Variants in AMBRA1 observed in about 807,000 individuals in gnomAD.
AMBRA1 encodes the protein autophagy and beclin 1 regulator 1, also known as activating molecule in BECN1-regulated autophagy protein 1.
In AMBRA1, 47 loss-of-function variants were observed where a neutral mutation model predicts 125.4. The ratio of observed to expected loss-of-function variants is 0.37; its 90% CI spans 0.30 to 0.48. The LOEUF is 0.48. AMBRA1 is among the 20% of genes least tolerant of loss of function. The probability of loss-of-function intolerance (pLI) is 0.99; values close to 1 mark genes in which losing one functional copy is unlikely to be tolerated. For missense variants in AMBRA1, 1,331 were observed against 1,693.4 expected, an observed-to-expected ratio of 0.79 and a Z score of 3.76; for synonymous variants, 626 against 655.5, an observed-to-expected ratio of 0.95 and a Z score of 0.69.
intron 9 of AMBRA1, among the ~76,000 whole-genome samples, chr11:46,496,127 ACT>A (rs1425631984): frequency 1.3e-5 from 2 of 151,666 alleles, no homozygotes; most frequent in Non-Finnish European, 2.9e-5. Flanking sequence ...TAATCCCAAC[ACT>A]CTGGGAGGCT....
chr11:46,496,278 A>C (rs1273569177), intron 9 of AMBRA1, among the ~76,000 whole-genome samples: 1 of 152,130 alleles, frequency 6.6e-6, no homozygotes, highest in Non-Finnish European at 1.5e-5. Flanking sequence ...AGCTGTTCAG[A>C]GGCTGAGGCA....
intron 12 of AMBRA1, among the ~76,000 whole-genome samples, chr11:46,441,022 T>G (rs1174051077): frequency 6.6e-6 from 1 of 152,144 alleles, no homozygotes; most frequent in Non-Finnish European, 1.5e-5. Context: ...TTTGGTGCAA[T>G]GCCCTGCCTG....
chr11:46,543,110 G>T lies in AMBRA1; in HGVS notation c.907C>A (p.Gln303Lys). The stretch of plus-strand genomic sequence containing the variant: ...CAAAGGCACAGGATCCCAAGGTGCT[G>T]GCAGCACTCAGCTGTGGGGTAACTG... ...RVSYPTAECC[Q>K]HLGILCLCSR... The change falls in exon 7 of 18, where the codon CAG becomes AAG. Residue 303 changes from glutamine to lysine, a missense_variant. Physicochemically the swap from Gln to Lys is moderately conservative, Grantham distance 53 (BLOSUM62 1). Around this residue, in one of 4 missense-constraint regions of AMBRA1, gnomAD observed 689 missense variants for 776.5 expected, o/e 0.89. Transcript: ENST00000683756. 6.3e-7 allele frequency: 1 copy of T among 1,579,928 alleles called. No individual in the cohort carries two copies.
At chr11:46,580,012 C>CT (rs1326524567) in intron 1 of AMBRA1, among the ~76,000 whole-genome samples, 1 of 152,238 alleles carries the variant, frequency 6.6e-6, no homozygotes, top group Non-Finnish European at 1.5e-5. Flanking sequence ...CACGCCCAGC[C>CT]TACACATGTC....
chr11:46,479,602 C>T (rs1053191040), intron 11 of AMBRA1, among the ~76,000 whole-genome samples: 4 of 152,028 alleles, frequency 2.6e-5, no homozygotes, highest in African/African-American at 9.7e-5. Flanking sequence ...GAGGCTGAGG[C>T]AGGAGAATCA....
At chr11:46,424,941 C>T (rs200898027) in intron 14 of AMBRA1, among the ~76,000 whole-genome samples, 1 of 152,054 alleles carries the variant, frequency 6.6e-6, no homozygotes, top group African/African-American at 2.4e-5. Context: ...TCAAGACCAG[C>T]CTGACCAAGA....
intron 7 of AMBRA1, among the ~76,000 whole-genome samples, chr11:46,517,708 C>T (rs529531872): frequency 1.1e-4 from 17 of 150,146 alleles, no homozygotes; most frequent in African/African-American, 3.9e-4. Flanking sequence ...GTGGCACACG[C>T]CTGTCCCAGC....
At chr11:46,587,273 G>A (rs958678747) in intron 1 of AMBRA1, among the ~76,000 whole-genome samples, 17 of 152,116 alleles carry the variant, frequency 1.1e-4, no homozygotes, top group South Asian at 2.1e-4. Context: ...CCAGCTACTC[G>A]GGAGGCTGAG....
intron 1 of AMBRA1, among the ~76,000 whole-genome samples, chr11:46,559,781 T>A (rs1247391806): frequency 6.6e-6 from 1 of 152,218 alleles, no homozygotes; most frequent in Non-Finnish European, 1.5e-5. Context: ...GCTGGCTTGT[T>A]ATATAATCTT....
At chr11:46,425,589 C>G (rs1441084733) in intron 14 of AMBRA1, among the ~76,000 whole-genome samples, 1 of 152,094 alleles carries the variant, frequency 6.6e-6, no homozygotes, top group Non-Finnish European at 1.5e-5. Flanking sequence ...CGCCTGTAAT[C>G]CCAGCACTTT....
intron 14 of AMBRA1, among the ~76,000 whole-genome samples, chr11:46,420,020 A>ACACACACACACACACACACACT (rs1300199196): frequency 1.5e-4 from 22 of 151,450 alleles, no homozygotes; most frequent in Non-Finnish European, 2.2e-4. Flanking sequence ...ACACACACAC[A>ACACACACACACACACACACACT]CTCTTCCAGG....
intron 17 of AMBRA1, among the ~76,000 whole-genome samples, chr11:46,398,259 G>C (rs1163762728): frequency 1.3e-5 from 2 of 152,234 alleles, no homozygotes; most frequent in Non-Finnish European, 2.9e-5. Context: ...TAGCATGCGA[G>C]AAGGCAGGTT....
chr11:46,454,212 A>C (rs1178196168), intron 11 of AMBRA1, among the ~76,000 whole-genome samples: 1 of 151,870 alleles, frequency 6.6e-6, no homozygotes, highest in Non-Finnish European at 1.5e-5. Context: ...TTTAATTTTT[A>C]GAGACGGGGT....
intron 4 of AMBRA1, 153 bp from the exon 5 acceptor site, chr11:46,545,929 C>G: frequency 1.6e-6 from 1 of 642,126 alleles, no homozygotes; most frequent in Non-Finnish European, 2.7e-6. Context: ...GATCAGCGAT[C>G]TGGTAGTGCC....
intron 11 of AMBRA1, among the ~76,000 whole-genome samples, chr11:46,472,228 C>T (rs899651049): frequency 6.6e-6 from 1 of 152,200 alleles, no homozygotes; most frequent in Non-Finnish European, 1.5e-5. Context: ...CCTAGCACAA[C>T]TCAGATGTTC....
intron 9 of AMBRA1, 25 bp from the exon 10 acceptor site, chr11:46,494,229 A>G (rs1420115055): frequency 6.4e-7 from 1 of 1,556,608 alleles, no homozygotes. Context: ...AACACTACAC[A>G]TAAGAGAGTC....
At chr11:46,443,644 C>T (rs562191904) in intron 11 of AMBRA1, 46 bp from the exon 12 acceptor site, 52 of 1,489,498 alleles carry the variant, frequency 3.5e-5, no homozygotes, top group Non-Finnish European at 4.3e-5. Flanking sequence ...TATTTATCCA[C>T]GTTTCCACTG....
intron 11 of AMBRA1, among the ~76,000 whole-genome samples, chr11:46,479,831 T>C (rs1949985505): frequency 6.6e-6 from 1 of 152,040 alleles, no homozygotes; most frequent in Non-Finnish European, 1.5e-5. Flanking sequence ...CTGTTATCAG[T>C]TTTCTATAAC....
At chr11:46,436,725 T>G (rs548159524) in intron 12 of AMBRA1, among the ~76,000 whole-genome samples, 1 of 152,204 alleles carries the variant, frequency 6.6e-6, no homozygotes, top group Admixed American at 6.5e-5. Flanking sequence ...GCTGGGGATA[T>G]AGAACCAAAG....
Sources: gnomAD v4.1 joint callset for allele counts (sites outside exome capture counted in the v4.1 genomes callset) on GRCh38, gnomAD v4.1.1 for gene constraint, gnomAD v4.1.1 regional missense constraint, MANE v1.5 for transcripts, NCBI Gene and HGNC (gene_info 2026-07-23, HGNC 2026-07-21) for gene names.